The following FRG1 variants were observed in gnomAD, a reference collection of about 807,000 sequenced individuals.
The protein encoded by FRG1 is protein FRG1.
A neutral mutation model predicts 37.0 loss-of-function variants in FRG1; 19 were observed. The observed-to-expected ratio is 0.51, with a 90% confidence interval of 0.36 to 0.75. The LOEUF (loss-of-function observed/expected upper bound fraction) is 0.75. Among genes scored for constraint, FRG1 ranks in the 30% least tolerant of loss-of-function variants. FRG1 has a pLI of 0.00. For missense variants in FRG1, 243 were observed against 301.4 expected (o/e 0.81, Z 1.44); for synonymous variants, 73 against 96.5 (o/e 0.76, Z 1.43).
At chr4:189,953,816 T>C (rs1736864799) in intron 4 of FRG1, among the ~76,000 whole-genome samples, 1 of 152,144 alleles carries the variant, frequency 6.6e-6, no homozygotes, top group Non-Finnish European at 1.5e-5. Context: ...TTTGAAAGTC[T>C]GATAAGTATG....
chr4:189,957,858 T>C (rs1318312286), intron 6 of FRG1, among the ~76,000 whole-genome samples: 2 of 152,184 alleles, frequency 1.3e-5, no homozygotes, highest in Non-Finnish European at 2.9e-5. Context: ...GTCCAACATT[T>C]TCAAATAAAA....
Position 189,963,095 on chromosome 4 carries a change from G to C in FRG1, c.743G>C (p.Arg248Thr), listed in dbSNP as rs534804085. 2.0e-5 allele frequency: 32 copies of C among 1,609,414 alleles called. No homozygotes were observed. The East Asian group carries it at 7.1e-4, about 36-fold the overall frequency. The change falls in exon 9 of 9, where the codon AGA becomes ACA. Residue 248 changes from arginine to threonine, a missense_variant and splice_region_variant. By Grantham distance (71) the Arg-to-Thr change is moderately conservative. Transcript: ENST00000226798. ...TTTATTTTTCTTTGTTTAAACAGGA[G>C]AGCCAAATTGAAAGCCGACAGATAC... ...GFLHETLLDR[R>T]AKLKADRYCK
At chr4:189,960,679 G>A (rs1379441002) in intron 6 of FRG1, 69 bp from the exon 7 acceptor site, 1 of 1,251,724 alleles carries the variant, frequency 8.0e-7, no homozygotes, top group East Asian at 2.4e-5. Flanking sequence ...ATGTTCTTAT[G>A]TGATACGTAA....
Position 189,953,746 on chromosome 4 carries a change from T to TA in FRG1, c.317+625dup, listed in dbSNP as rs202172129. Among the ~76,000 whole-genome samples, 1,418 of 152,172 alleles carry TA rather than the reference T, an allele frequency of 9.3e-3. 32 individuals carry two copies. Among genetic ancestry groups the TA allele is most frequent in the African/African-American group, 0.032 (1,337 of 41,548 alleles). ...GCATCCCAGGAGATTCTCGGTAAGG[T>TA]AAAAGATTAGAAATCATAATTTTAA... On this transcript the variant is annotated intron_variant, in intron 4 of 8. Coordinates refer to ENST00000226798, the MANE Select transcript of FRG1 (RefSeq NM_004477.3).
intron 2 of FRG1, among the ~76,000 whole-genome samples, chr4:189,949,608 A>G (rs1736668627): frequency 6.6e-6 from 1 of 152,200 alleles, no homozygotes; most frequent in Non-Finnish European, 1.5e-5. Flanking sequence ...TTTAATATTA[A>G]GTGTACTTGG....
At chr4:189,950,693 A>G (rs1365755870) in intron 2 of FRG1, among the ~76,000 whole-genome samples, 2 of 152,210 alleles carry the variant, frequency 1.3e-5, no homozygotes, top group African/African-American at 4.8e-5. Flanking sequence ...GGAAATATCC[A>G]AACTATTCCA....
intron 6 of FRG1, chr4:189,959,863 C>G (rs1737155765): frequency 1.0e-6 from 1 of 983,872 alleles, no homozygotes; most frequent in Non-Finnish European, 1.2e-6. Flanking sequence ...TAATCTCTGT[C>G]AGCCCTTCAC....
At chr4:189,953,467 A>T (rs1431131656) in intron 4 of FRG1, among the ~76,000 whole-genome samples, 1 of 152,182 alleles carries the variant, frequency 6.6e-6, no homozygotes, top group Non-Finnish European at 1.5e-5. Flanking sequence ...GAAGACTAAA[A>T]AAAGGAATAT....
rs1737194863 is a variant in FRG1 at position 189,960,768 on chromosome 4, A to G, written c.558A>G (p.Arg186=). Residue 186 remains arginine (R), a synonymous_variant, in exon 7 of 9, where the codon AGA becomes AGG. Transcript: ENST00000226798. ...TCTAGATTAGATCCTGTGCTGAAAG[A>G]GAAACCAAGAAAAAAGATGACATTC... is the stretch of plus-strand genomic sequence containing the variant. ...EMIKIRSCAE[R]ETKKKDDIPE... 9 of 1,608,342 alleles carry G rather than the reference A, an allele frequency of 5.6e-6. No homozygotes were observed. Among genetic ancestry groups the G allele is most frequent in the South Asian group, 2.2e-5 (2 of 90,510 alleles).
intron 2 of FRG1, among the ~76,000 whole-genome samples, chr4:189,948,937 C>A (rs1050564411): frequency 6.6e-6 from 1 of 152,252 alleles, no homozygotes; most frequent in Non-Finnish European, 1.5e-5. Flanking sequence ...AAGTGATTCT[C>A]CTGCTTCCAC....
chr4:189,954,762 CT>C (rs1338574733), intron 4 of FRG1, among the ~76,000 whole-genome samples: 1 of 151,848 alleles, frequency 6.6e-6, no homozygotes, highest in Non-Finnish European at 1.5e-5. Context: ...GCCCAGCTAA[CT>C]TTTTAAATTT....
intron 1 of FRG1, 42 bp from the exon 2 acceptor site, chr4:189,943,160 A>G: frequency 6.6e-7 from 1 of 1,509,250 alleles, no homozygotes. Context: ...TATCGTACAA[A>G]TCAATATACC....
chr4:189,953,538 T>C (rs554929584), intron 4 of FRG1, among the ~76,000 whole-genome samples: 21 of 152,258 alleles, frequency 1.4e-4, no homozygotes, highest in African/African-American at 5.1e-4. Flanking sequence ...TTTTACTCAC[T>C]ATTTTTACAG....
intron 2 of FRG1, 44 bp downstream of exon 2, chr4:189,943,316 T>C (rs1403889017): frequency 6.3e-7 from 1 of 1,576,186 alleles, no homozygotes; most frequent in Non-Finnish European, 8.6e-7. Flanking sequence ...AGTTAATGTT[T>C]CTTGAGATCT....
intron 2 of FRG1, among the ~76,000 whole-genome samples, chr4:189,945,679 A>G (rs200574849): frequency 2.6e-5 from 4 of 151,886 alleles, no homozygotes; most frequent in East Asian, 1.9e-4. Context: ...TAAGATTTCT[A>G]TATTGGTGTT....
chr4:189,953,818 A>G (rs1162932722), intron 4 of FRG1, among the ~76,000 whole-genome samples: 5 of 152,178 alleles, frequency 3.3e-5, no homozygotes, highest in East Asian at 1.9e-4. Flanking sequence ...TGAAAGTCTG[A>G]TAAGTATGGT....
chr4:189,963,159 T>G lies in FRG1; in HGVS notation c.*30T>G, dbSNP rs1561081614. The stretch of plus-strand genomic sequence containing the variant: ...GATTTTTGTTTCTGCCTTATCTTTC[T>G]GTGTTTTTTTCTGAATAAAATATTC... On this transcript the variant is annotated 3_prime_UTR_variant, in exon 9 of 9. Coordinates refer to ENST00000226798, the MANE Select transcript of FRG1 (RefSeq NM_004477.3). The G allele has an allele frequency of 6.3e-7, 1 of 1,598,630 alleles. No homozygotes were observed. The highest frequency in any genetic ancestry group is 1.7e-5 in the Admixed American group (1 of 59,336).
At chr4:189,943,298 C>G in intron 2 of FRG1, 26 bp downstream of exon 2, 1 of 1,585,742 alleles carries the variant, frequency 6.3e-7, no homozygotes, top group Non-Finnish European at 8.5e-7. Flanking sequence ...GTGCTCTATT[C>G]TGAAAAAAGT....
chr4:189,944,584 T>C (rs1021875611), intron 2 of FRG1, among the ~76,000 whole-genome samples: 2 of 151,606 alleles, frequency 1.3e-5, no homozygotes, highest in African/African-American at 4.9e-5. Context: ...AATTTTGGCA[T>C]GATGTTGTGA....
Sources: gnomAD v4.1 joint callset for allele counts (sites outside exome capture counted in the v4.1 genomes callset) on GRCh38, gnomAD v4.1.1 for gene constraint, MANE v1.5 for transcripts, NCBI Gene and HGNC (gene_info 2026-07-23, HGNC 2026-07-21) for gene names.